MYO6: variants seen among roughly 807,000 people sequenced by gnomAD.
The protein encoded by MYO6 is myosin VI, also known as unconventional myosin-VI.
Under a neutral mutation model 178.7 loss-of-function variants are expected in MYO6, and 74 were observed. The observed-to-expected ratio is 0.41, with a 90% CI of 0.34 to 0.50. The LOEUF is 0.50. MYO6 is among the 20% of genes least tolerant of loss of function. The probability of loss-of-function intolerance (pLI) is 0.09; values close to 1 mark genes in which losing one functional copy is unlikely to be tolerated. For missense variants in MYO6, 1,330 were observed against 1,547.4 expected, an observed-to-expected ratio of 0.86 and a Z score of 2.36; for synonymous variants, 477 against 504.6, an observed-to-expected ratio of 0.95 and a Z score of 0.73.
At chr6:75,884,388 T>C (rs759303391) in intron 23 of MYO6, among the ~76,000 whole-genome samples, 2 of 152,226 alleles carry the variant, frequency 1.3e-5, no homozygotes, top group Non-Finnish European at 2.9e-5. Flanking sequence ...CCTATTCACA[T>C]TTCATAGAAC....
At chr6:75,864,113 AG>A (rs1235789407) in intron 16 of MYO6, among the ~76,000 whole-genome samples, 2 of 152,212 alleles carry the variant, frequency 1.3e-5, no homozygotes. Context: ...GAAAAAGAAA[AG>A]CCGTTTAGAG....
At chr6:75,876,417 A>C (rs1217135794) in intron 20 of MYO6, among the ~76,000 whole-genome samples, 1 of 152,214 alleles carries the variant, frequency 6.6e-6, no homozygotes, top group African/African-American at 2.4e-5. Flanking sequence ...GAAAATATGA[A>C]GATTTATTTG....
chr6:75,825,480 C>G (rs1772372476), intron 3 of MYO6, among the ~76,000 whole-genome samples: 1 of 152,014 alleles, frequency 6.6e-6, no homozygotes. Context: ...GTAATCCCAA[C>G]TACTTGGGAG....
intron 1 of MYO6, among the ~76,000 whole-genome samples, chr6:75,780,932 C>T (rs999333691): frequency 2.6e-5 from 4 of 151,854 alleles, no homozygotes; most frequent in African/African-American, 7.3e-5. Context: ...CCCAGCCTCC[C>T]GAGTAGAGTA....
chr6:75,781,967 G>T (rs147369225), intron 1 of MYO6, among the ~76,000 whole-genome samples: 1 of 150,236 alleles, frequency 6.7e-6, no homozygotes, highest in Non-Finnish European at 1.5e-5. Flanking sequence ...GGGGAGTGGC[G>T]TGTCACCTAA....
At chr6:75,810,208 A>G (rs991797193) in intron 1 of MYO6, among the ~76,000 whole-genome samples, 1 of 152,180 alleles carries the variant, frequency 6.6e-6, no homozygotes, top group Non-Finnish European at 1.5e-5. Context: ...AAGATGTCAG[A>G]CTTAGGTAAT....
At chr6:75,857,337 T>C in intron 13 of MYO6, 83 bp downstream of exon 13, 1 of 1,388,366 alleles carries the variant, frequency 7.2e-7, no homozygotes, top group Non-Finnish European at 1.0e-6. Context: ...TTTTCTCCTT[T>C]GTAACTCATT....
chr6:75,839,412 T>C (rs1197236266), intron 7 of MYO6, among the ~76,000 whole-genome samples: 1 of 151,766 alleles, frequency 6.6e-6, no homozygotes, highest in East Asian at 2.0e-4. Context: ...ATGGTCTCGA[T>C]CTTCAGCCCT....
In MYO6 at chr6:75,887,817, CAA is replaced by C. The variant is rs1295810562; in HGVS notation, c.2658+834_2658+835del. 4.3e-3 allele frequency among the ~76,000 whole-genome samples: 565 copies of C among 130,510 alleles called. 6 individuals are homozygous for C. Among genetic ancestry groups the C allele is most frequent in the African/African-American group, 0.015 (539 of 35,328 alleles). 85.6% of individuals were successfully genotyped at this position (130,510 alleles called of 152,430 possible). On this transcript the variant is annotated intron_variant, in intron 25 of 34. Coordinates refer to ENST00000369977, the MANE Select transcript of MYO6 (RefSeq NM_004999.4). ...TGAAACCTTGTCTCTACTAAAAATACAAAAAAAAAAAATTAGCCAGGCGTGAT... is the reference window on the plus strand; with the variant it reads ...TGAAACCTTGTCTCTACTAAAAATACAAAAAAAAAATTAGCCAGGCGTGAT...
At chr6:75,778,738 T>C (rs1392376850) in intron 1 of MYO6, among the ~76,000 whole-genome samples, 2 of 151,914 alleles carry the variant, frequency 1.3e-5, no homozygotes. Context: ...ATGAAATTCT[T>C]TTTTTTCTTT....
At chr6:75,787,730 C>CTCTATATA (rs1767784406) in intron 1 of MYO6, among the ~76,000 whole-genome samples, 5 of 11,662 alleles carry the variant, frequency 4.3e-4, no homozygotes, top group Non-Finnish European at 5.8e-4. Flanking sequence ...CTCTCTCTCT[C>CTCTATATA]TATATATATA....
chr6:75,860,495 C>T (rs996198847), intron 14 of MYO6, among the ~76,000 whole-genome samples: 1 of 152,144 alleles, frequency 6.6e-6, no homozygotes, highest in African/African-American at 2.4e-5. Flanking sequence ...TTTATGTTCA[C>T]CTTTTTAATA....
chr6:75,757,938 T>C lies in MYO6; in HGVS notation c.-48+8515T>C, dbSNP rs538168940. ...TTTCATCGAAAAGCAAGAAGAGCAA[T>C]ATATTAGTGATTTGGTTGGAATCTT... On this transcript the variant is annotated intron_variant, in intron 1 of 34. Coordinates refer to ENST00000369977, the MANE Select transcript of MYO6 (RefSeq NM_004999.4). Among the ~76,000 whole-genome samples, 3 of 150,924 alleles carry C rather than the reference T, an allele frequency of 2.0e-5. No individual in the cohort carries two copies. In the South Asian group the frequency reaches 6.3e-4, roughly 32 times the overall value.
chr6:75,790,223 G>A (rs1373731250), intron 1 of MYO6, among the ~76,000 whole-genome samples: 1 of 152,110 alleles, frequency 6.6e-6, no homozygotes, highest in African/African-American at 2.4e-5. Context: ...TATGACTCTT[G>A]ATGTATATGC....
At chr6:75,767,306 G>A (rs929367669) in intron 1 of MYO6, among the ~76,000 whole-genome samples, 3 of 152,044 alleles carry the variant, frequency 2.0e-5, no homozygotes, top group Non-Finnish European at 2.9e-5. Context: ...GATTACAGCC[G>A]TGAGCCACTA....
chr6:75,870,000 G>C (rs1449661719), intron 18 of MYO6, among the ~76,000 whole-genome samples: 2 of 151,834 alleles, frequency 1.3e-5, no homozygotes, highest in African/African-American at 2.4e-5. Flanking sequence ...TGTAATCCCA[G>C]CTACTCGGGA....
At chr6:75,797,027 G>A (rs1396455662) in intron 1 of MYO6, among the ~76,000 whole-genome samples, 1 of 152,112 alleles carries the variant, frequency 6.6e-6, no homozygotes, top group Non-Finnish European at 1.5e-5. Flanking sequence ...GTTGTGAATA[G>A]TGCTGTGATG....
intron 3 of MYO6, among the ~76,000 whole-genome samples, chr6:75,826,550 G>T (rs184593007): frequency 2.9e-4 from 44 of 152,178 alleles, no homozygotes; most frequent in Middle Eastern, 3.4e-3. Flanking sequence ...TGAGAGAGAT[G>T]GGGAGTGGTT....
chr6:75,824,959 A>G (rs72890648), intron 3 of MYO6, among the ~76,000 whole-genome samples: 52,408 of 151,768 alleles, frequency 0.35, 9,800 homozygotes, highest in Admixed American at 0.48. Context: ...TGGGTTCACT[A>G]TGTTGGCCAG....
Sources: allele counts gnomAD v4.1 joint callset (sites outside exome capture counted in the v4.1 genomes callset), GRCh38; gene constraint gnomAD v4.1.1; transcripts MANE v1.5; gene names NCBI Gene and HGNC (gene_info 2026-07-23, HGNC 2026-07-21).